Variants in TENM4 observed in about 807,000 individuals in gnomAD.
The protein encoded by TENM4 is teneurin-4.
Under a neutral mutation model 243.3 loss-of-function variants are expected in TENM4, and 82 were observed. The observed-to-expected ratio is 0.34, with a 90% CI of 0.28 to 0.40. The LOEUF (loss-of-function observed/expected upper bound fraction) is 0.40. TENM4 is among the 10% of genes least tolerant of loss of function. The pLI is 1.00. For synonymous variants in TENM4, 1,412 were observed against 1,456.3 expected (o/e 0.97, Z 0.69); for missense variants, 3,138 against 3,673.3 (o/e 0.85, Z 3.77).
chr11:79,192,968 G>A (rs1166196037), intron 3 of TENM4: 2 of 152,190 alleles, frequency 1.3e-5, no homozygotes, highest in Admixed American at 1.3e-4. Context: ...GAAGATACAG[G>A]AGTAGCTCAA....
chr11:79,157,207 G>T (rs1400367555), intron 3 of TENM4, among the ~76,000 whole-genome samples: 3 of 152,126 alleles, frequency 2.0e-5, no homozygotes, highest in Non-Finnish European at 4.4e-5. Context: ...CCCATTTATT[G>T]GATATGCAAT....
At chr11:78,775,640 GACTTTCTTAAAGCAAT>G (rs1276280983) in intron 17 of TENM4, among the ~76,000 whole-genome samples, 2 of 152,168 alleles carry the variant, frequency 1.3e-5, no homozygotes, top group Non-Finnish European at 2.9e-5. Context: ...ATGACTTGCT[GACTTTCTTAAAGCAAT>G]ATGCCCGTCC....
rs1858732774 is a variant in TENM4 at position 78,688,173 on chromosome 11, C to G, written c.5141G>C (p.Ser1714Thr). ...ACTGTCTGTATCACTTCGGAAACTGCTCACCTGGCCAGTAGGGAAGGTCAC... is the reference window on the plus strand; with the variant it reads ...ACTGTCTGTATCACTTCGGAAACTGGTCACCTGGCCAGTAGGGAAGGTCAC... ...TNVTFPTGQV[S>T]SFRSDTDSSV... Residue 1714 changes from serine to threonine, a missense_variant, in exon 29 of 34, where the codon AGC becomes ACC. Ser to Thr is a moderately conservative substitution (Grantham distance 58). Around this residue, in one of 2 missense-constraint regions of TENM4, gnomAD observed 2,467 missense variants for 3,059.1 expected, o/e 0.81. Coordinates refer to ENST00000278550, the MANE Select transcript of TENM4 (RefSeq NM_001098816.3). 1.9e-6 allele frequency: 3 copies of G among 1,613,890 alleles called. No individual in the cohort carries two copies. Among genetic ancestry groups the G allele is most frequent in the Non-Finnish European group, 2.5e-6 (3 of 1,179,842 alleles).
chr11:79,183,321 A>T (rs1177791602), intron 3 of TENM4, among the ~76,000 whole-genome samples: 1 of 152,230 alleles, frequency 6.6e-6, no homozygotes, highest in Non-Finnish European at 1.5e-5. Flanking sequence ...TACATCCTGC[A>T]TTATTCCCAT....
intron 1 of TENM4, among the ~76,000 whole-genome samples, chr11:79,333,396 A>T (rs1017400222): frequency 1.3e-5 from 2 of 152,208 alleles, no homozygotes; most frequent in African/African-American, 4.8e-5. Flanking sequence ...CTTTCATTTA[A>T]TCTTTATGTG....
chr11:78,719,851 T>C (rs1277051157), intron 25 of TENM4, among the ~76,000 whole-genome samples: 2 of 152,226 alleles, frequency 1.3e-5, no homozygotes, highest in African/African-American at 4.8e-5. Flanking sequence ...GGGATTGATC[T>C]CTGCAGTTGG....
intron 4 of TENM4, among the ~76,000 whole-genome samples, chr11:79,129,262 G>C (rs1310039279): frequency 6.7e-6 from 1 of 150,362 alleles, no homozygotes; most frequent in Non-Finnish European, 1.5e-5. Context: ...GCACCAGAGG[G>C]ATCCATTGGG....
chr11:78,950,168 A>C (rs539114810), intron 6 of TENM4, among the ~76,000 whole-genome samples: 2 of 152,284 alleles, frequency 1.3e-5, no homozygotes, highest in African/African-American at 4.8e-5. Context: ...CCTCAGGACA[A>C]AGGCCATCAC....
chr11:79,046,444 TC>T (rs1451024673), intron 6 of TENM4, among the ~76,000 whole-genome samples: 1 of 149,712 alleles, frequency 6.7e-6, no homozygotes, highest in Admixed American at 6.6e-5. Context: ...TGGGATGAAC[TC>T]TCCCCCCCAA....
intron 4 of TENM4, among the ~76,000 whole-genome samples, chr11:79,125,819 C>T (rs916770613): frequency 6.6e-6 from 1 of 152,146 alleles, no homozygotes; most frequent in African/African-American, 2.4e-5. Context: ...CCCCCAACAC[C>T]CCTGTTTGCT....
chr11:79,392,232 A>T lies in TENM4; in HGVS notation c.-321+48277T>A, dbSNP rs192209921. Among the ~76,000 whole-genome samples the T allele has an allele frequency of 1.6e-4, 24 of 152,342 alleles. No individual in the cohort carries two copies. The East Asian group carries it at 4.4e-3, about 28-fold the overall frequency. On this transcript the variant is annotated intron_variant, in intron 1 of 33. Transcript: ENST00000278550. The stretch of plus-strand genomic sequence containing the variant: ...TACATCCCAAGATAACCCTTTCCTT[A>T]TGATGTTTGCTCACAGGGAAGTTCT...
intron 6 of TENM4, among the ~76,000 whole-genome samples, chr11:79,001,702 G>T (rs1227425894): frequency 6.6e-6 from 1 of 152,162 alleles, no homozygotes; most frequent in Non-Finnish European, 1.5e-5. Context: ...GGTCTTACTT[G>T]TGAGATACAG....
chr11:79,389,543 A>G (rs1325608612), intron 1 of TENM4, among the ~76,000 whole-genome samples: 1 of 152,208 alleles, frequency 6.6e-6, no homozygotes, highest in Non-Finnish European at 1.5e-5. Context: ...GCATGCAGCC[A>G]ATGTTGAGAA....
At chr11:79,156,752 T>C (rs747089849) in intron 3 of TENM4, among the ~76,000 whole-genome samples, 13 of 152,208 alleles carry the variant, frequency 8.5e-5, no homozygotes, top group Non-Finnish European at 1.8e-4. Context: ...TCTAAGGTGC[T>C]CTGGGACAAA....
chr11:78,916,762 T>C (rs1453085169), intron 6 of TENM4, among the ~76,000 whole-genome samples: 2 of 152,142 alleles, frequency 1.3e-5, no homozygotes, highest in Non-Finnish European at 2.9e-5. Flanking sequence ...TATGAAATTT[T>C]TCAATTTTTT....
rs536557927 is a variant in TENM4 at position 79,206,825 on chromosome 11, G to GA, written c.-163+8982dup. 8.1e-4 allele frequency among the ~76,000 whole-genome samples: 124 copies of GA among 152,300 alleles called. 1 individual carries two copies. Among genetic ancestry groups the GA allele is most frequent in the African/African-American group, 2.7e-3 (111 of 41,568 alleles). ...TTTCAGGTGTCTTTATCAGCAGCGT[G>GA]AAAATGGACTAATACACGCTCCTCA... On this transcript the variant is annotated intron_variant, in intron 3 of 33. Coordinates refer to ENST00000278550, the MANE Select transcript of TENM4 (RefSeq NM_001098816.3).
intron 1 of TENM4, among the ~76,000 whole-genome samples, chr11:79,326,970 G>C (rs982800723): frequency 6.6e-6 from 1 of 152,242 alleles, no homozygotes; most frequent in Non-Finnish European, 1.5e-5. Context: ...CTTACGGGCA[G>C]AGCCTCATCT....
intron 6 of TENM4, among the ~76,000 whole-genome samples, chr11:78,904,151 G>C (rs1856006862): frequency 6.6e-6 from 1 of 151,974 alleles, no homozygotes; most frequent in South Asian, 2.1e-4. Context: ...ACAAGGTCAG[G>C]AGATCGAGAC....
At chr11:79,046,483 C>T in intron 6 of TENM4, among the ~76,000 whole-genome samples, 1 of 152,142 alleles carries the variant, frequency 6.6e-6, no homozygotes, top group East Asian at 1.9e-4. Context: ...GTGCTGACCC[C>T]TAGAACTTCC....
Sources: gnomAD v4.1 joint callset for allele counts (sites outside exome capture counted in the v4.1 genomes callset) on GRCh38, gnomAD v4.1.1 for gene constraint, gnomAD v4.1.1 regional missense constraint, MANE v1.5 for transcripts, NCBI Gene and HGNC (gene_info 2026-07-23, HGNC 2026-07-21) for gene names.